The following FARP1 variants were observed in gnomAD, a reference collection of about 807,000 sequenced individuals.
FARP1 encodes FERM, ARH/RhoGEF and pleckstrin domain protein 1.
Under a neutral mutation model 128.8 loss-of-function variants are expected in FARP1, and 52 were observed. The observed-to-expected ratio is 0.40, with a 90% CI of 0.32 to 0.51. The LOEUF is 0.51. Ranked by LOEUF, FARP1 falls within the 20% of genes least tolerant of loss-of-function variation. The probability of loss-of-function intolerance (pLI) is 0.45; values close to 1 mark genes in which losing one functional copy is unlikely to be tolerated. For synonymous variants in FARP1, 580 were observed against 551.8 expected (o/e 1.05, Z -0.72); for missense variants, 1,333 against 1,367.9 (o/e 0.97, Z 0.40).
intron 2 of FARP1, among the ~76,000 whole-genome samples, chr13:98,219,022 T>C (rs1881264855): frequency 6.6e-6 from 1 of 152,206 alleles, no homozygotes; most frequent in African/African-American, 2.4e-5. Flanking sequence ...TAAACATTGA[T>C]TTCATTTCAT....
chr13:98,154,722 A>G (rs1049205009), intron 1 of FARP1, among the ~76,000 whole-genome samples: 1 of 152,264 alleles, frequency 6.6e-6, no homozygotes, highest in African/African-American at 2.4e-5. Flanking sequence ...AAGCAACTGC[A>G]AGGCCCTGTG....
At position 98,446,078 on chromosome 13, in the gene FARP1, C is replaced by G. The variant is rs1892815469; in HGVS notation, c.2797-20C>G. ...GGGCAGGTGCCCGCTGTGCTTCTCA[C>G]AGGCCTCCTTGCCTTTCAGAATCAG... On this transcript the variant is annotated intron_variant, in intron 24 of 26. Transcript: ENST00000319562. 2 of 1,565,378 alleles carry G rather than the reference C, an allele frequency of 1.3e-6. No individual in the cohort carries two copies. The highest frequency in any genetic ancestry group is 2.7e-5 in the African/African-American group (2 of 74,036).
At chr13:98,311,854 T>G (rs1041647757) in intron 2 of FARP1, among the ~76,000 whole-genome samples, 9 of 151,578 alleles carry the variant, frequency 5.9e-5, no homozygotes, top group Admixed American at 3.3e-4. Context: ...TGTTTTTTGT[T>G]TTTTTTTGAG....
At chr13:98,327,163 T>C (rs1887271237) in intron 2 of FARP1, among the ~76,000 whole-genome samples, 1 of 152,232 alleles carries the variant, frequency 6.6e-6, no homozygotes, top group South Asian at 2.1e-4. Flanking sequence ...TATTTGTTTT[T>C]AAAGATGGCT....
chr13:98,301,310 C>T lies in FARP1; in HGVS notation c.172-42452C>T, dbSNP rs367755521. Among the ~76,000 whole-genome samples, 391 of 152,154 alleles carry T rather than the reference C, an allele frequency of 2.6e-3. 5 individuals are homozygous for T. Among genetic ancestry groups the T allele is most frequent in the Non-Finnish European group, 1.9e-3 (127 of 68,040 alleles). ...TCTCTGGTCCACGTGTCACTTTCCA[C>T]GTCTGTTTACCATCTGAAAGTTCTG... On this transcript the variant is annotated intron_variant, in intron 2 of 26. Transcript: ENST00000319562.
chr13:98,437,178 C>T (rs9554472), intron 19 of FARP1, among the ~76,000 whole-genome samples: 44,608 of 152,124 alleles, frequency 0.29, 6,620 homozygotes, highest in South Asian at 0.41. Flanking sequence ...GTGGCATTAA[C>T]TACATTGCAG....
chr13:98,421,751 G>T (rs528985537), intron 16 of FARP1, among the ~76,000 whole-genome samples: 1 of 152,136 alleles, frequency 6.6e-6, no homozygotes, highest in African/African-American at 2.4e-5. Context: ...TACTCAGGAG[G>T]CTGAGGCAGG....
intron 2 of FARP1, among the ~76,000 whole-genome samples, chr13:98,218,719 G>A (rs749110672): frequency 3.3e-5 from 5 of 152,160 alleles, no homozygotes; most frequent in Admixed American, 6.5e-5. Context: ...CCTTATGTGC[G>A]TGTGGGGTGG....
chr13:98,320,356 T>G (rs1253219641), intron 2 of FARP1, among the ~76,000 whole-genome samples: 1 of 152,220 alleles, frequency 6.6e-6, no homozygotes, highest in African/African-American at 2.4e-5. Context: ...GTATTCGTAC[T>G]ATTATAGTTT....
At chr13:98,237,305 A>C (rs1408361963) in intron 2 of FARP1, among the ~76,000 whole-genome samples, 26 of 133,416 alleles carry the variant, frequency 1.9e-4, no homozygotes, top group African/African-American at 8.4e-4. Flanking sequence ...ACTCCGTCTC[A>C]AAAAAAAAAA....
chr13:98,228,836 A>G (rs1194152120), intron 2 of FARP1, among the ~76,000 whole-genome samples: 2 of 152,236 alleles, frequency 1.3e-5, no homozygotes, highest in Admixed American at 1.3e-4. Flanking sequence ...TTGCAAAGAT[A>G]TAGAATGTTA....
chr13:98,202,652 T>C (rs2071998374), intron 1 of FARP1, among the ~76,000 whole-genome samples: 1 of 152,186 alleles, frequency 6.6e-6, no homozygotes, highest in South Asian at 2.1e-4. Context: ...TAGGAGTGTG[T>C]GCTTTTAGTA....
intron 1 of FARP1, among the ~76,000 whole-genome samples, chr13:98,211,700 C>A (rs547042070): frequency 1.3e-5 from 2 of 152,324 alleles, no homozygotes; most frequent in East Asian, 3.9e-4. Context: ...TTGAGACCAA[C>A]TTGAGTTCAA....
intron 2 of FARP1, among the ~76,000 whole-genome samples, chr13:98,291,598 CG>C (rs1229769277): frequency 2.6e-5 from 4 of 152,138 alleles, no homozygotes; most frequent in Non-Finnish European, 5.9e-5. Context: ...TTTCTGCCAG[CG>C]GGTATATCCC....
intron 1 of FARP1, among the ~76,000 whole-genome samples, chr13:98,165,709 G>GTTTTTTTTTTTTT (rs1566685742): frequency 9.8e-6 from 1 of 102,402 alleles, no homozygotes. Context: ...TTCCAGAAGG[G>GTTTTTTTTTTTTT]GTTTTTTTTT....
In FARP1 at chr13:98,450,637, T is replaced by A. The variant is rs974618584; in HGVS notation, c.*2320T>A. 1 of 152,176 alleles carries A rather than the reference T, an allele frequency of 6.6e-6. No homozygotes were observed. Among genetic ancestry groups the A allele is most frequent in the African/African-American group, 2.4e-5 (1 of 41,438 alleles). The allele number at this position is 152,176 out of a possible 1,614,324, so 9.4% of individuals were successfully genotyped here. A position where few individuals can be genotyped will look rare whatever the true frequency, so the allele number is the denominator to read the frequency against. ...CTGAGTACCTCCCCAGGCTGCAGGC[T>A]CTGGGCAGCTGAGCCAGGAGCAGCT... On this transcript the variant is annotated 3_prime_UTR_variant, in exon 27 of 27. Coordinates refer to ENST00000319562, the MANE Select transcript of FARP1 (RefSeq NM_005766.4).
At chr13:98,298,841 A>G (rs1885808502) in intron 2 of FARP1, among the ~76,000 whole-genome samples, 1 of 152,184 alleles carries the variant, frequency 6.6e-6, no homozygotes, top group African/African-American at 2.4e-5. Flanking sequence ...TTCTTGCTGT[A>G]AAGTGGAAAT....
intron 18 of FARP1, chr13:98,434,165 G>A (rs1042090460): frequency 1.4e-4 from 22 of 152,246 alleles, no homozygotes; most frequent in African/African-American, 5.3e-4. Context: ...GAGCTAGAGG[G>A]ACACTGAATG....
rs60890411 is a variant in FARP1 at position 98,312,135 on chromosome 13, C to CTTTTTTTTTTTTTTT, written c.172-31622_172-31608dup. Among the ~76,000 whole-genome samples the CTTTTTTTTTTTTTTT allele has an allele frequency of 3.1e-4, 27 of 86,128 alleles. 1 individual carries two copies. The highest frequency in any genetic ancestry group is 5.3e-4 in the African/African-American group (11 of 20,948). 56.5% of individuals were successfully genotyped at this position (86,128 alleles called of 152,430 possible). On this transcript the variant is annotated intron_variant, in intron 2 of 26. Transcript: ENST00000319562. ...GTGCTGGGATTGCAGGTGGTAACTG[C>CTTTTTTTTTTTTTTT]TTTTTTTTTTTTTTTTTTTCTTTGA...
Sources: gnomAD v4.1 joint callset for allele counts (sites outside exome capture counted in the v4.1 genomes callset) on GRCh38, gnomAD v4.1.1 for gene constraint, MANE v1.5 for transcripts, NCBI Gene and HGNC (gene_info 2026-07-23, HGNC 2026-07-21) for gene names.